The following TSPAN18 variants were observed in gnomAD, a reference collection of about 807,000 sequenced individuals.
TSPAN18 encodes tetraspanin-18.
Under a neutral mutation model 27.3 loss-of-function variants are expected in TSPAN18, and 14 were observed. That is an observed-to-expected ratio of 0.51 (90% CI 0.34 to 0.80). The LOEUF is 0.80. Ranked by LOEUF, TSPAN18 falls within the 30% of genes least tolerant of loss-of-function variation. The pLI is 0.01. For synonymous variants in TSPAN18, 143 were observed against 136.5 expected, an observed-to-expected ratio of 1.05 and a Z score of -0.33; for missense variants, 268 against 323.9, an observed-to-expected ratio of 0.83 and a Z score of 1.32.
At chr11:44,879,553 G>A (rs780053602) in intron 3 of TSPAN18, among the ~76,000 whole-genome samples, 2 of 152,264 alleles carry the variant, frequency 1.3e-5, no homozygotes, top group Non-Finnish European at 1.5e-5. Flanking sequence ...GGGGAAGAGA[G>A]TCCCAGGCAG....
intron 2 of TSPAN18, among the ~76,000 whole-genome samples, chr11:44,794,433 C>T (rs558681706): frequency 3.3e-5 from 5 of 152,106 alleles, no homozygotes; most frequent in South Asian, 2.1e-4. Flanking sequence ...TTTGGGAGCC[C>T]GAGGCAGGTG....
chr11:44,740,158 T>G (rs541308308), intron 1 of TSPAN18, among the ~76,000 whole-genome samples: 1 of 152,280 alleles, frequency 6.6e-6, no homozygotes, highest in Non-Finnish European at 1.5e-5. Flanking sequence ...CTATCTCTGC[T>G]TTGTCCCCGC....
At chr11:44,890,298 T>G (rs1398193492) in intron 3 of TSPAN18, among the ~76,000 whole-genome samples, 3 of 152,270 alleles carry the variant, frequency 2.0e-5, no homozygotes, top group Non-Finnish European at 4.4e-5. Context: ...TAACTTCACT[T>G]TAACGTTTCA....
chr11:44,797,553 T>A (rs996918216), intron 2 of TSPAN18, among the ~76,000 whole-genome samples: 9 of 152,166 alleles, frequency 5.9e-5, no homozygotes, highest in African/African-American at 1.9e-4. Context: ...GGGAGCCAAG[T>A]CCTGCCATTA....
intron 2 of TSPAN18, among the ~76,000 whole-genome samples, chr11:44,796,159 G>A (rs2135055868): frequency 6.6e-6 from 1 of 152,158 alleles, no homozygotes; most frequent in East Asian, 1.9e-4. Context: ...GAATGGCAAG[G>A]AGGAGGAGAA....
intron 4 of TSPAN18, among the ~76,000 whole-genome samples, chr11:44,907,589 C>T (rs889265020): frequency 5.3e-5 from 8 of 152,228 alleles, no homozygotes; most frequent in African/African-American, 1.9e-4. Flanking sequence ...AGGTCACCAC[C>T]TTCCAAGCCG....
chr11:44,902,675 A>C (rs1472637454), intron 3 of TSPAN18, among the ~76,000 whole-genome samples: 1 of 152,130 alleles, frequency 6.6e-6, no homozygotes, highest in Non-Finnish European at 1.5e-5. Flanking sequence ...CCTGGAGAAA[A>C]GGAAGGGATA....
intron 2 of TSPAN18, among the ~76,000 whole-genome samples, chr11:44,768,004 CT>C (rs1265217488): frequency 6.6e-6 from 1 of 152,174 alleles, no homozygotes; most frequent in African/African-American, 2.4e-5. Context: ...ATTACTGTAT[CT>C]TTATAGTAAC....
At chr11:44,827,101 C>T (rs544281948) in intron 2 of TSPAN18, among the ~76,000 whole-genome samples, 7 of 152,284 alleles carry the variant, frequency 4.6e-5, no homozygotes, top group East Asian at 3.9e-4. Context: ...GGGTGGATCC[C>T]GCCAACTCTG....
At chr11:44,809,258 T>C (rs886813162) in intron 2 of TSPAN18, among the ~76,000 whole-genome samples, 2 of 152,050 alleles carry the variant, frequency 1.3e-5, no homozygotes, top group African/African-American at 4.8e-5. Flanking sequence ...CAGATGTCCA[T>C]TGCTGAGTTT....
intron 9 of TSPAN18, 138 bp from the exon 10 acceptor site, chr11:44,928,993 G>A: frequency 9.0e-7 from 1 of 1,112,400 alleles, no homozygotes; most frequent in African/African-American, 1.5e-5. Context: ...GCTGGCCCCA[G>A]GGGAATGTCA....
intron 2 of TSPAN18, among the ~76,000 whole-genome samples, chr11:44,765,551 C>T (rs1161908971): frequency 6.6e-6 from 1 of 152,184 alleles, no homozygotes; most frequent in African/African-American, 2.4e-5. Flanking sequence ...TCTGTCCTCT[C>T]ATCTGTCATG....
At chr11:44,745,165 C>T (rs973671378) in intron 1 of TSPAN18, among the ~76,000 whole-genome samples, 1 of 152,138 alleles carries the variant, frequency 6.6e-6, no homozygotes, top group East Asian at 1.9e-4. Context: ...AATAATCATG[C>T]GTGGGCATCT....
chr11:44,769,483 C>T (rs1294471143), intron 2 of TSPAN18, among the ~76,000 whole-genome samples: 2 of 152,142 alleles, frequency 1.3e-5, no homozygotes, highest in African/African-American at 4.8e-5. Context: ...TAATTTCTCC[C>T]ATAAGTGTTT....
At chr11:44,852,574 C>T (rs1399294823) in intron 2 of TSPAN18, among the ~76,000 whole-genome samples, 1 of 152,252 alleles carries the variant, frequency 6.6e-6, no homozygotes, top group African/African-American at 2.4e-5. Context: ...TTTGTGCAAA[C>T]ATGTACATAC....
intron 3 of TSPAN18, among the ~76,000 whole-genome samples, chr11:44,900,094 C>A (rs770238791): frequency 6.6e-6 from 1 of 152,212 alleles, no homozygotes; most frequent in Non-Finnish European, 1.5e-5. Context: ...TTCTAGAAGT[C>A]ATCCATGGAT....
chr11:44,797,130 TAAC>T (rs924251176), intron 2 of TSPAN18, among the ~76,000 whole-genome samples: 3 of 152,194 alleles, frequency 2.0e-5, no homozygotes, highest in Non-Finnish European at 4.4e-5. Context: ...AAATCCGTAG[TAAC>T]AACCCCTCAT....
At chr11:44,755,457 G>A (rs1463460790) in intron 1 of TSPAN18, among the ~76,000 whole-genome samples, 1 of 151,808 alleles carries the variant, frequency 6.6e-6, no homozygotes, top group Non-Finnish European at 1.5e-5. Flanking sequence ...AGCCAGACAA[G>A]TGCAGGTGGA....
chr11:44,846,920 T>C (rs1857497505), intron 2 of TSPAN18, among the ~76,000 whole-genome samples: 2 of 152,292 alleles, frequency 1.3e-5, no homozygotes, highest in South Asian at 4.1e-4. Context: ...CTATATGCCA[T>C]GCACAGAGCG....
Sources: gnomAD v4.1 joint callset for allele counts (sites outside exome capture counted in the v4.1 genomes callset) on GRCh38, gnomAD v4.1.1 for gene constraint, MANE v1.5 for transcripts, NCBI Gene and HGNC (gene_info 2026-07-23, HGNC 2026-07-21) for gene names.